ZNF784: variants seen among roughly 807,000 people sequenced by gnomAD.
The protein encoded by ZNF784 is zinc finger protein 784.
ZNF784 carries 5 observed loss-of-function variants against 3.3 expected under a neutral mutation model. The ratio of observed to expected loss-of-function variants is 1.53; its 90% confidence interval spans 0.80 to 3.22. The LOEUF (loss-of-function observed/expected upper bound fraction) is 3.22, where lower values mean the gene tolerates loss of function less well. Ranked by LOEUF, ZNF784 falls within the 30% of genes most tolerant of loss-of-function variation. ZNF784 has a pLI of 0.00. For synonymous variants in ZNF784, 231 were observed against 219.6 expected (o/e 1.05, Z -0.46); for missense variants, 501 against 480.7 (o/e 1.04, Z -0.39).
Position 55,621,968 on chromosome 19 carries a change from A to C in ZNF784, c.755T>G (p.Phe252Cys), listed in dbSNP as rs751220855. 6.3e-7 allele frequency: 1 copy of C among 1,595,068 alleles called. No individual in the cohort carries two copies. Among genetic ancestry groups the C allele is most frequent in the South Asian group, 1.1e-5 (1 of 90,166 alleles). Residue 252 changes from phenylalanine to cysteine, a missense_variant, in exon 2 of 2, where the codon TTC becomes TGC. By Grantham distance (205) the Phe-to-Cys change is radical (BLOSUM62 -2). Coordinates refer to ENST00000325351, the MANE Select transcript of ZNF784 (RefSeq NM_203374.2). This position sits in a 1 kb window ranked among gnomAD's most constrained non-coding sequence, Gnocchi z 4.1. ...GGTGCGGTCGCAGAGCGTGCAGCGG[A>C]ACGGGCGCTCGCCAGTGTGGATGCG... The part of the protein sequence containing the change: ...HARIHTGERP[F>C]RCTLCDRTFN...
Position 55,622,382 on chromosome 19 carries a change from G to A in ZNF784, c.341C>T (p.Ala114Val). 9.7e-6 allele frequency: 15 copies of A among 1,546,168 alleles called. No individual in the cohort carries two copies. The highest frequency in any genetic ancestry group is 1.3e-5 in the Non-Finnish European group (15 of 1,148,292). The change falls in exon 2 of 2, where the codon GCC becomes GTC. Residue 114 changes from alanine (A) to valine (V), a missense_variant. By Grantham distance (64) the Ala-to-Val change is moderately conservative. Transcript: ENST00000325351. This position sits in a 1 kb window ranked among gnomAD's most constrained non-coding sequence, Gnocchi z 5.9. ...HVCGHSCPGP[A>V]SLRAHYSLHT... Reference sequence around the variant, plus strand: ...CAAGCTGTAGTGCGCGCGCAGGCTGGCGGGGCCCGGGCAGCTGTGGCCGCA... The same window carrying A: ...CAAGCTGTAGTGCGCGCGCAGGCTGACGGGGCCCGGGCAGCTGTGGCCGCA...
chr19:55,622,555 G>A lies in ZNF784; in HGVS notation c.168C>T (p.Val56=). 2 of 1,611,224 alleles carry A rather than the reference G, an allele frequency of 1.2e-6. No homozygotes were observed. The highest frequency in any genetic ancestry group is 1.1e-5 in the South Asian group (1 of 90,678). The stretch of plus-strand genomic sequence containing the variant: ...AAGAACCTGGCTCCGGGGGCTCAGG[G>A]ACCAGCGTGGTGTCCGTCACCTTCA... ...QVVKVTDTTL[V]PEPPEPGSFH... The change falls in exon 2 of 2, where the codon GTC becomes GTT. Residue 56 remains valine, a synonymous_variant. Coordinates refer to ENST00000325351, the MANE Select transcript of ZNF784 (RefSeq NM_203374.2). The surrounding 1 kb of genome is among the most constrained non-coding windows in gnomAD (Gnocchi z 5.9).
chr19:55,623,422 G>A (rs1981638210), intron 1 of ZNF784, among the ~76,000 whole-genome samples: 1 of 152,086 alleles, frequency 6.6e-6, no homozygotes, highest in Non-Finnish European at 1.5e-5. Flanking sequence ...CTCCACCCTA[G>A]TTAAAGCCCC....
Position 55,621,715 on chromosome 19 carries a change from C to G in ZNF784, c.*36G>C. 1 of 1,594,512 alleles carries G rather than the reference C, an allele frequency of 6.3e-7. No homozygotes were observed. Among genetic ancestry groups the G allele is most frequent in the Non-Finnish European group, 8.5e-7 (1 of 1,178,220 alleles). ...CCCCCTCCCCGGGTCGGCCTCGTAC[C>G]TCCGCCTTAACTAACCCATGTCCCT... On this transcript the variant is annotated 3_prime_UTR_variant, in exon 2 of 2. Coordinates refer to ENST00000325351, the MANE Select transcript of ZNF784 (RefSeq NM_203374.2). This position sits in a 1 kb window ranked among gnomAD's most constrained non-coding sequence, Gnocchi z 4.1.
chr19:55,621,957 G>C lies in ZNF784; in HGVS notation c.766C>G (p.Leu256Val). 6.3e-7 allele frequency: 1 copy of C among 1,596,092 alleles called. No individual in the cohort carries two copies. The stretch of plus-strand genomic sequence containing the variant: ...GAGTTGTTGAAGGTGCGGTCGCAGA[G>C]CGTGCAGCGGAACGGGCGCTCGCCA... ...HTGERPFRCT[L>V]CDRTFNNSSN... Residue 256 changes from leucine to valine, a missense_variant, in exon 2 of 2, where the codon CTC (leucine) becomes GTC (valine). Coordinates refer to ENST00000325351, the MANE Select transcript of ZNF784 (RefSeq NM_203374.2). This position sits in a 1 kb window ranked among gnomAD's most constrained non-coding sequence, Gnocchi z 4.1.
chr19:55,623,009 C>T (rs1174146722), intron 1 of ZNF784, among the ~76,000 whole-genome samples: 1 of 152,176 alleles, frequency 6.6e-6, no homozygotes, highest in Non-Finnish European at 1.5e-5. Context: ...AATACCGTTT[C>T]TACTAAAAAT....
intron 1 of ZNF784, among the ~76,000 whole-genome samples, chr19:55,623,178 A>G (rs1183374695): frequency 6.6e-6 from 1 of 152,166 alleles, no homozygotes; most frequent in East Asian, 1.9e-4. Context: ...TCCATCTTAG[A>G]CAGCAAAACA....
At position 55,621,518 on chromosome 19, in the gene ZNF784, T is replaced by C; in HGVS notation, c.*233A>G. 1.6e-6 allele frequency: 1 copy of C among 621,050 alleles called. No homozygotes were observed. The highest frequency in any genetic ancestry group is 2.8e-5 in the East Asian group (1 of 35,574). The allele number at this position is 621,050 out of a possible 1,614,324, so 38.5% of individuals were successfully genotyped here. A position where few individuals can be genotyped will look rare whatever the true frequency, so the allele number is the denominator to read the frequency against. On this transcript the variant is annotated 3_prime_UTR_variant, in exon 2 of 2. Coordinates refer to ENST00000325351, the MANE Select transcript of ZNF784 (RefSeq NM_203374.2). The surrounding 1 kb of genome is among the most constrained non-coding windows in gnomAD (Gnocchi z 4.1). Reference sequence around the variant, plus strand: ...CGCACACCCGCAGAGCTGCAAGAGCTGCACCTGTCCTCTCCTAGGCCTGGC... The same window carrying C: ...CGCACACCCGCAGAGCTGCAAGAGCCGCACCTGTCCTCTCCTAGGCCTGGC...
At position 55,621,553 on chromosome 19, in the gene ZNF784, G is replaced by GT; in HGVS notation, c.*197dup. On this transcript the variant is annotated 3_prime_UTR_variant, in exon 2 of 2. Transcript: ENST00000325351. The surrounding 1 kb of genome is among the most constrained non-coding windows in gnomAD (Gnocchi z 4.1). ...CTCTCCTAGGCCTGGCAGAGGTGCTGTGTGGGCGTGTGGGAGTCTGGAGCC... is the reference window on the plus strand; with the variant it reads ...CTCTCCTAGGCCTGGCAGAGGTGCTGTTGTGGGCGTGTGGGAGTCTGGAGCC... The GT allele has an allele frequency of 1.4e-6, 1 of 713,692 alleles. No homozygotes were observed. Among genetic ancestry groups the GT allele is most frequent in the Non-Finnish European group, 2.3e-6 (1 of 438,226 alleles). 44.2% of individuals were successfully genotyped at this position (713,692 alleles called of 1,614,324 possible).
rs986857103 is a variant in ZNF784, at chr19:55,621,066, G to A, written c.*685C>T. 3.3e-5 allele frequency: 5 copies of A among 152,902 alleles called. No individual in the cohort carries two copies. The highest frequency in any genetic ancestry group is 1.2e-4 in the African/African-American group (5 of 41,422). 9.5% of individuals were successfully genotyped at this position (152,902 alleles called of 1,614,324 possible). A position where few individuals can be genotyped will look rare whatever the true frequency, so the allele number is the denominator to read the frequency against. On this transcript the variant is annotated 3_prime_UTR_variant, in exon 2 of 2. Coordinates refer to ENST00000325351, the MANE Select transcript of ZNF784 (RefSeq NM_203374.2). This position sits in a 1 kb window ranked among gnomAD's most constrained non-coding sequence, Gnocchi z 4.1. ...TCTCAGTTGCCTCCGAAGAAGAGTG[G>A]ATGGGTTAAGGACGGACCACAATGG...
Position 55,621,973 on chromosome 19 carries a change from G to A in ZNF784, c.750C>T (p.Arg250=), listed in dbSNP as rs1444233335. The A allele has an allele frequency of 6.3e-7, 1 of 1,594,822 alleles. No homozygotes were observed. The highest frequency in any genetic ancestry group is 1.3e-5 in the African/African-American group (1 of 74,888). ...SGHARIHTGE[R]PFRCTLCDRT... ...GGTCGCAGAGCGTGCAGCGGAACGGGCGCTCGCCAGTGTGGATGCGGGCGT... is the reference window on the plus strand; with the variant it reads ...GGTCGCAGAGCGTGCAGCGGAACGGACGCTCGCCAGTGTGGATGCGGGCGT... The change falls in exon 2 of 2, where the codon CGC becomes CGT. Residue 250 remains arginine (R), a synonymous_variant. Transcript: ENST00000325351. The surrounding 1 kb of genome is among the most constrained non-coding windows in gnomAD (Gnocchi z 4.1).
chr19:55,624,372 A>C, intron 1 of ZNF784, 112 bp downstream of exon 1: 6 of 650,630 alleles, frequency 9.2e-6, no homozygotes, highest in Non-Finnish European at 1.2e-5. Context: ...GGGCCATAGC[A>C]CTAAATACCT....
At position 55,621,851 on chromosome 19, in the gene ZNF784, G is replaced by A. The variant is rs1176872081; in HGVS notation, c.872C>T (p.Ser291Leu). Residue 291 changes from serine (S) to leucine (L), a missense_variant, in exon 2 of 2, where the codon TCG becomes TTG. Physicochemically the swap from Ser to Leu is moderately radical, Grantham distance 145. Transcript: ENST00000325351. The surrounding 1 kb of genome is among the most constrained non-coding windows in gnomAD (Gnocchi z 4.1). ...GCTCCCCGACCCCTCAGCCGCCGAC[G>A]AGCCCAGCTGGCCTCCAGAGTCTCC... Reference protein sequence around the residue: ...GLGDSGGQLGSSAAEGSGSGC... With the variant: ...GLGDSGGQLGLSAAEGSGSGC... The A allele has an allele frequency of 7.4e-6, 11 of 1,486,882 alleles. No homozygotes were observed. Among genetic ancestry groups the A allele is most frequent in the African/African-American group, 2.8e-5 (2 of 70,556 alleles). 92.1% of individuals were successfully genotyped at this position (1,486,882 alleles called of 1,614,324 possible).
Position 55,622,030 on chromosome 19 carries a change from C to G in ZNF784, c.693G>C (p.Lys231Asn). The G allele has an allele frequency of 6.3e-7, 1 of 1,593,312 alleles. No individual in the cohort carries two copies. The highest frequency in any genetic ancestry group is 8.5e-7 in the Non-Finnish European group (1 of 1,177,724). ...ERPYHCGICG[K>N]GFTQSSVLSG... The stretch of plus-strand genomic sequence containing the variant: ...TAAGCACCGAGGACTGGGTGAAGCC[C>G]TTGCCGCAGATGCCGCAATGGTATG... The change falls in exon 2 of 2, where the codon AAG becomes AAC. Residue 231 changes from lysine (K) to asparagine (N), a missense_variant. Lys to Asn is a moderately conservative substitution (Grantham distance 94). Transcript: ENST00000325351. The surrounding 1 kb of genome is among the most constrained non-coding windows in gnomAD (Gnocchi z 5.9).
rs1981529727 is a variant in ZNF784 at position 55,620,992 on chromosome 19, G to A, written c.*759C>T. 1 of 152,638 alleles carries A rather than the reference G, an allele frequency of 6.6e-6. No individual in the cohort carries two copies. Among genetic ancestry groups the A allele is most frequent in the Admixed American group, 6.5e-5 (1 of 15,284 alleles). The allele number at this position is 152,638 out of a possible 1,614,324, so 9.5% of individuals were successfully genotyped here. A position where few individuals can be genotyped will look rare whatever the true frequency, so the allele number is the denominator to read the frequency against. Reference sequence around the variant, plus strand: ...GCTTGTGGGGGACCCTGGGCTCTGAGTCTAAAGCTTTAGGAGGGGGATGCT... The same window carrying A: ...GCTTGTGGGGGACCCTGGGCTCTGAATCTAAAGCTTTAGGAGGGGGATGCT... On this transcript the variant is annotated 3_prime_UTR_variant, in exon 2 of 2. Coordinates refer to ENST00000325351, the MANE Select transcript of ZNF784 (RefSeq NM_203374.2).
chr19:55,621,758 T>C lies in ZNF784; in HGVS notation c.965A>G (p.Asp322Gly). 6.3e-7 allele frequency: 1 copy of C among 1,596,492 alleles called. No individual in the cohort carries two copies. Among genetic ancestry groups the C allele is most frequent in the Non-Finnish European group, 8.5e-7 (1 of 1,179,554 alleles). ...ATGTCCCTGGTCTGCAGCCTACTGG[T>C]CGGCCTCCACCTTCACCTTCGCGGT... ...GETAKVKVEA[D>G]Q Residue 322 changes from aspartate to glycine, a missense_variant, in exon 2 of 2, where the codon GAC becomes GGC. Coordinates refer to ENST00000325351, the MANE Select transcript of ZNF784 (RefSeq NM_203374.2). This position sits in a 1 kb window ranked among gnomAD's most constrained non-coding sequence, Gnocchi z 4.1.
intron 1 of ZNF784, among the ~76,000 whole-genome samples, chr19:55,623,480 C>T (rs1981639501): frequency 6.6e-6 from 1 of 152,240 alleles, no homozygotes; most frequent in Non-Finnish European, 1.5e-5. Flanking sequence ...ATCTCTGTTC[C>T]TATTTCTGCT....
rs778020594 is a variant in ZNF784 at position 55,621,996 on chromosome 19, C to T, written c.727G>A (p.Ala243Thr). ...GGGCGCTCGCCAGTGTGGATGCGGG[C>T]GTGGCCGCTAAGCACCGAGGACTGG... ...FTQSSVLSGH[A>T]RIHTGERPFR... Residue 243 changes from alanine (A) to threonine (T), a missense_variant, in exon 2 of 2, where the codon GCC (alanine) becomes ACC (threonine). By Grantham distance (58) the Ala-to-Thr change is moderately conservative. Coordinates refer to ENST00000325351, the MANE Select transcript of ZNF784 (RefSeq NM_203374.2). The surrounding 1 kb of genome is among the most constrained non-coding windows in gnomAD (Gnocchi z 4.1). 2.0e-5 allele frequency: 32 copies of T among 1,594,008 alleles called. No individual in the cohort carries two copies. The highest frequency in any genetic ancestry group is 2.6e-5 in the Non-Finnish European group (31 of 1,177,910).
In ZNF784 at chr19:55,622,246, C is replaced by T; in HGVS notation, c.477G>A (p.Arg159=). 6.5e-7 allele frequency: 1 copy of T among 1,535,986 alleles called. No individual in the cohort carries two copies. The highest frequency in any genetic ancestry group is 2.0e-5 in the Admixed American group (1 of 50,852). ...HRHGVEPGTS[R]RPPDTAAVAE... The stretch of plus-strand genomic sequence containing the variant: ...CAACGGCCGCTGTGTCCGGAGGCCT[C>T]CGAGAGGTGCCCGGCTCCACCCCGT... The change falls in exon 2 of 2, where the codon CGG becomes CGA. Residue 159 remains arginine, a synonymous_variant. Coordinates refer to ENST00000325351, the MANE Select transcript of ZNF784 (RefSeq NM_203374.2). This position sits in a 1 kb window ranked among gnomAD's most constrained non-coding sequence, Gnocchi z 5.9.
Sources: gnomAD v4.1 joint callset for allele counts (sites outside exome capture counted in the v4.1 genomes callset) on GRCh38, gnomAD v4.1.1 for gene constraint, Gnocchi (gnomAD v3.1) non-coding constraint, MANE v1.5 for transcripts, NCBI Gene and HGNC (gene_info 2026-07-23, HGNC 2026-07-21) for gene names.